Variants in MRPL54 observed in about 807,000 individuals in gnomAD.
MRPL54 encodes the protein large ribosomal subunit protein mL54.
MRPL54 carries 12 observed loss-of-function variants against 15.6 expected under a neutral mutation model. The ratio of observed to expected loss-of-function variants is 0.77; its 90% CI spans 0.49 to 1.24. The LOEUF (loss-of-function observed/expected upper bound fraction) is 1.24, where lower values mean the gene tolerates loss of function less well. Ranked by LOEUF, MRPL54 falls within the 50% of genes most tolerant of loss-of-function variation. The pLI, the probability that MRPL54 is intolerant of heterozygous loss-of-function variation, is 0.00. For synonymous variants in MRPL54, 91 were observed against 75.7 expected (o/e 1.20, Z -1.05); for missense variants, 178 against 186.8 (o/e 0.95, Z 0.28).
intron 2 of MRPL54, 149 bp from the exon 3 acceptor site, chr19:3,767,112 C>G (rs2037204750): frequency 2.0e-6 from 2 of 1,020,906 alleles, no homozygotes; most frequent in Non-Finnish European, 2.7e-6. Flanking sequence ...CCACCCAGCC[C>G]AGGGTCGGGG....
intron 2 of MRPL54, 92 bp from the exon 3 acceptor site, chr19:3,767,169 A>G: frequency 6.8e-7 from 1 of 1,479,090 alleles, no homozygotes; most frequent in African/African-American, 1.4e-5. Context: ...CCTGGCACCC[A>G]GCCCCGTCGC....
Position 3,767,188 on chromosome 19 carries a change from C to T in MRPL54, c.285-73C>T, listed in dbSNP as rs1388983683. On this transcript the variant is annotated intron_variant, in intron 2 of 2. Coordinates refer to ENST00000330133, the MANE Select transcript of MRPL54 (RefSeq NM_172251.3). ...GCACCCAGCCCCGTCGCCGCCTCTG[C>T]CCGAGGTGCCCGGGACACCAGGGAG... 6 of 1,534,458 alleles carry T rather than the reference C, an allele frequency of 3.9e-6. No individual in the cohort carries two copies. The African/African-American group carries it at 5.7e-5, about 14-fold the overall frequency.
At position 3,767,403 on chromosome 19, in the gene MRPL54, C is replaced by T; in HGVS notation, c.*10C>T. On this transcript the variant is annotated 3_prime_UTR_variant, in exon 3 of 3. Coordinates refer to ENST00000330133, the MANE Select transcript of MRPL54 (RefSeq NM_172251.3). ...GAACAAGAGGTTGTAGCATGGAGGG[C>T]CCGGCATCGCTGACCCCCACGCCGA... is the stretch of plus-strand genomic sequence containing the variant. 6.2e-7 allele frequency: 1 copy of T among 1,607,280 alleles called. No individual in the cohort carries two copies. The highest frequency in any genetic ancestry group is 8.5e-7 in the Non-Finnish European group (1 of 1,177,642).
At chr19:3,767,178 G>C in intron 2 of MRPL54, 83 bp from the exon 3 acceptor site, 1 of 1,508,288 alleles carries the variant, frequency 6.6e-7, no homozygotes, top group South Asian at 1.3e-5. Flanking sequence ...CAGCCCCGTC[G>C]CCGCCTCTGC....
chr19:3,763,102 C>G (rs967484815), intron 1 of MRPL54, among the ~76,000 whole-genome samples: 1 of 152,230 alleles, frequency 6.6e-6, no homozygotes, highest in Non-Finnish European at 1.5e-5. Flanking sequence ...CGTTTCACTG[C>G]GCAGGCGCGG....
intron 2 of MRPL54, 93 bp downstream of exon 2, chr19:3,765,424 C>T (rs866304457): frequency 1.1e-5 from 15 of 1,426,110 alleles, no homozygotes; most frequent in Middle Eastern, 2.1e-4. Flanking sequence ...CCACTCCAGC[C>T]GGAGCCTAAT....
In MRPL54 at chr19:3,767,430, G is replaced by A; in HGVS notation, c.*37G>A. The A allele has an allele frequency of 1.9e-6, 3 of 1,595,226 alleles. No individual in the cohort carries two copies. Among genetic ancestry groups the A allele is most frequent in the Non-Finnish European group, 2.6e-6 (3 of 1,174,600 alleles). On this transcript the variant is annotated 3_prime_UTR_variant, in exon 3 of 3. Coordinates refer to ENST00000330133, the MANE Select transcript of MRPL54 (RefSeq NM_172251.3). ...CGGCATCGCTGACCCCCACGCCGAG[G>A]GCTTGCCGTTTTCCCGGAGGACGTG...
At position 3,767,535 on chromosome 19, in the gene MRPL54, G is replaced by T. The variant is rs967546184; in HGVS notation, c.*142G>T. 1.7e-6 allele frequency: 2 copies of T among 1,182,866 alleles called. No homozygotes were observed. Among genetic ancestry groups the T allele is most frequent in the Non-Finnish European group, 2.3e-6 (2 of 856,866 alleles). The allele number at this position is 1,182,866 out of a possible 1,614,324, so 73.3% of individuals were successfully genotyped here. A position where few individuals can be genotyped will look rare whatever the true frequency, so the allele number is the denominator to read the frequency against. The stretch of plus-strand genomic sequence containing the variant: ...AGTGGGGCTGGACCAGGGCCCTGGA[G>T]GCCAATAAAGAGCTTTCTGGGTAGA... On this transcript the variant is annotated 3_prime_UTR_variant, in exon 3 of 3. Coordinates refer to ENST00000330133, the MANE Select transcript of MRPL54 (RefSeq NM_172251.3).
At chr19:3,765,592 A>T (rs1223711009) in intron 2 of MRPL54, among the ~76,000 whole-genome samples, 2 of 152,146 alleles carry the variant, frequency 1.3e-5, no homozygotes, top group Admixed American at 1.3e-4. Context: ...ATCTTAAGCA[A>T]ATACTTAAAA....
intron 2 of MRPL54, among the ~76,000 whole-genome samples, 155 bp downstream of exon 2, chr19:3,765,486 C>T (rs557022712): frequency 6.6e-6 from 1 of 152,306 alleles, no homozygotes; most frequent in East Asian, 1.9e-4. Flanking sequence ...GGGCTCTGCC[C>T]ATCTGTAATG....
intron 2 of MRPL54, among the ~76,000 whole-genome samples, chr19:3,766,444 C>A (rs1480779443): frequency 6.6e-6 from 1 of 151,940 alleles, no homozygotes; most frequent in African/African-American, 2.4e-5. Flanking sequence ...GAACTCCTGA[C>A]CTCAGGTGAT....
At chr19:3,765,408 G>A (rs931195754) in intron 2 of MRPL54, 77 bp downstream of exon 2, 51 of 1,526,738 alleles carry the variant, frequency 3.3e-5, no homozygotes, top group African/African-American at 4.2e-5. Flanking sequence ...CCGGAGAGGC[G>A]GATCGCCACT....
chr19:3,763,054 G>T (rs1178136410), intron 1 of MRPL54, among the ~76,000 whole-genome samples: 1 of 152,250 alleles, frequency 6.6e-6, no homozygotes, highest in African/African-American at 2.4e-5. Flanking sequence ...TTGGGGCGGA[G>T]CGGCCTGGGA....
chr19:3,763,676 G>A (rs563973374), intron 1 of MRPL54, among the ~76,000 whole-genome samples: 53 of 151,922 alleles, frequency 3.5e-4, no homozygotes, highest in African/African-American at 1.3e-3. Context: ...CACTTTGGGA[G>A]GCTGATGCAG....
In MRPL54 at chr19:3,767,429, G is replaced by C. The variant is rs752427683; in HGVS notation, c.*36G>C. 4 of 1,595,346 alleles carry C rather than the reference G, an allele frequency of 2.5e-6. No homozygotes were observed. The Admixed American group carries it at 7.4e-5, about 29-fold the overall frequency. Reference sequence around the variant, plus strand: ...CCGGCATCGCTGACCCCCACGCCGAGGGCTTGCCGTTTTCCCGGAGGACGT... The same window carrying C: ...CCGGCATCGCTGACCCCCACGCCGACGGCTTGCCGTTTTCCCGGAGGACGT... On this transcript the variant is annotated 3_prime_UTR_variant, in exon 3 of 3. Transcript: ENST00000330133.
chr19:3,767,461 T>C lies in MRPL54; in HGVS notation c.*68T>C, dbSNP rs1277378261. The C allele has an allele frequency of 5.1e-6, 8 of 1,582,896 alleles. No homozygotes were observed. In the East Asian group the frequency reaches 7.0e-5, roughly 14 times the overall value. ...CCGTTTTCCCGGAGGACGTGGACTT[T>C]TGTGAGACAAGAGGCGGCTCCCCAG... On this transcript the variant is annotated 3_prime_UTR_variant, in exon 3 of 3. Transcript: ENST00000330133.
At chr19:3,763,391 A>G (rs73531458) in intron 1 of MRPL54, among the ~76,000 whole-genome samples, 2,800 of 152,286 alleles carry the variant, frequency 0.018, 80 homozygotes, top group African/African-American at 0.062. Flanking sequence ...TATAACTTGA[A>G]TGACTTGGTC....
chr19:3,767,331 C>A lies in MRPL54; in HGVS notation c.355C>A (p.Arg119=). 1 of 1,610,620 alleles carries A rather than the reference C, an allele frequency of 6.2e-7. No homozygotes were observed. Among genetic ancestry groups the A allele is most frequent in the Non-Finnish European group, 8.5e-7 (1 of 1,178,792 alleles). ...ELDPESREYW[R]RLRKQNIWRH... Reference sequence around the variant, plus strand: ...GGACCCCGAGAGCCGGGAGTACTGGCGGCGGCTGCGGAAACAGAACATCTG... The same window carrying A: ...GGACCCCGAGAGCCGGGAGTACTGGAGGCGGCTGCGGAAACAGAACATCTG... Residue 119 remains arginine (R), a synonymous_variant, in exon 3 of 3, where the codon CGG becomes AGG. Coordinates refer to ENST00000330133, the MANE Select transcript of MRPL54 (RefSeq NM_172251.3).
In MRPL54 at chr19:3,762,895, G is replaced by A. The variant is rs978109987; in HGVS notation, c.118+77G>A. On this transcript the variant is annotated intron_variant, in intron 1 of 2. Coordinates refer to ENST00000330133, the MANE Select transcript of MRPL54 (RefSeq NM_172251.3). ...TGACAGTGCGCAGGCGGTGGTTGGG[G>A]AGGTGGTGCTAGAACTGATGCGCAA... The A allele has an allele frequency of 5.6e-6, 7 of 1,247,262 alleles. No homozygotes were observed. In the African/African-American group the frequency reaches 7.8e-5, roughly 14 times the overall value. 77.3% of individuals were successfully genotyped at this position (1,247,262 alleles called of 1,614,324 possible). A position where few individuals can be genotyped will look rare whatever the true frequency, so the allele number is the denominator to read the frequency against.
Sources: allele counts gnomAD v4.1 joint callset (sites outside exome capture counted in the v4.1 genomes callset), GRCh38; gene constraint gnomAD v4.1.1; transcripts MANE v1.5; gene names NCBI Gene and HGNC (gene_info 2026-07-23, HGNC 2026-07-21).